C17orf113: variants seen among roughly 807,000 people sequenced by gnomAD.
C17orf113 encodes uncharacterized protein C17orf113.
In C17orf113, 5 loss-of-function variants were observed where a neutral mutation model predicts 11.6. The ratio of observed to expected loss-of-function variants is 0.43; its 90% confidence interval spans 0.23 to 0.91. The LOEUF is 0.91. C17orf113 is among the 40% of genes least tolerant of loss of function. The pLI is 0.26. For missense variants in C17orf113, 714 were observed against 841.3 expected, an observed-to-expected ratio of 0.85 and a Z score of 1.87; for synonymous variants, 327 against 390.6, an observed-to-expected ratio of 0.84 and a Z score of 1.92.
In C17orf113 at chr17:42,043,305, G is replaced by C. The variant is rs138910547; in HGVS notation, c.72C>G (p.Asn24Lys). Residue 24 changes from asparagine to lysine, a missense_variant, in exon 2 of 3, where the codon AAC becomes AAG. By Grantham distance (94) the Asn-to-Lys change is moderately conservative. Transcript: ENST00000587304. ...AGGTAAACTCCTCTTTCCAGTGCTC[G>C]TTGAAGTAACGCTTACACTTCTTGT... ...NSNKKCKRYF[N>K]EHWKEEFTWL... 20 of 1,232,140 alleles carry C rather than the reference G, an allele frequency of 1.6e-5. No individual in the cohort carries two copies. The highest frequency in any genetic ancestry group is 3.2e-5 in the East Asian group (1 of 31,716). 76.3% of individuals were successfully genotyped at this position (1,232,140 alleles called of 1,614,324 possible). A position where few individuals can be genotyped will look rare whatever the true frequency, so the allele number is the denominator to read the frequency against.
Position 42,040,455 on chromosome 17 carries a change from G to A in C17orf113, c.1278C>T (p.Ala426=). ...LVLQAEEPDL[A]LLQPLVMAAA... The stretch of plus-strand genomic sequence containing the variant: ...CCGCCATCACCAGAGGCTGCAGCAA[G>A]GCCAAGTCCGGCTCTTCTGCCTGCA... The change falls in exon 3 of 3, where the codon GCC becomes GCT. Residue 426 remains alanine (A), a synonymous_variant. Coordinates refer to ENST00000587304, the MANE Select transcript of C17orf113 (RefSeq NM_001358661.2). The A allele has an allele frequency of 1.6e-6, 2 of 1,232,168 alleles. No individual in the cohort carries two copies. The highest frequency in any genetic ancestry group is 2.0e-6 in the Non-Finnish European group (2 of 987,976). 76.3% of individuals were successfully genotyped at this position (1,232,168 alleles called of 1,614,324 possible). A position where few individuals can be genotyped will look rare whatever the true frequency, so the allele number is the denominator to read the frequency against.
chr17:42,044,538 C>A (rs563082476), intron 1 of C17orf113, among the ~76,000 whole-genome samples: 1 of 151,986 alleles, frequency 6.6e-6, no homozygotes, highest in South Asian at 2.1e-4. Context: ...ATCGCTTGAA[C>A]CCGGGAGGCG....
In C17orf113 at chr17:42,040,877, G is replaced by A. The variant is rs571169356; in HGVS notation, c.856C>T (p.Arg286Trp). Residue 286 changes from arginine to tryptophan, a missense_variant, in exon 3 of 3, where the codon CGG (arginine) becomes TGG (tryptophan). Physicochemically the swap from Arg to Trp is moderately radical, Grantham distance 101. Transcript: ENST00000587304. ...TCTGCCAGCAGTGGGCAAGTGGCCCGGAGCTGTGGGCCCACACTCCCCAGG... is the reference window on the plus strand; with the variant it reads ...TCTGCCAGCAGTGGGCAAGTGGCCCAGAGCTGTGGGCCCACACTCCCCAGG... ...ERLGSVGPQL[R>W]ATCPLLAELH... is the part of the protein sequence containing the mutation. The A allele has an allele frequency of 2.3e-5, 28 of 1,232,198 alleles. No homozygotes were observed. Among genetic ancestry groups the A allele is most frequent in the South Asian group, 4.1e-5 (1 of 24,322 alleles). The allele number at this position is 1,232,198 out of a possible 1,614,324, so 76.3% of individuals were successfully genotyped here. A position where few individuals can be genotyped will look rare whatever the true frequency, so the allele number is the denominator to read the frequency against.
Position 42,039,445 on chromosome 17 carries a change from A to C in C17orf113, c.*260T>G. ...GAGCTACTCCTCATCTAACTGTGTA[A>C]AGGCCAGGAATGATTTAGGGTACCC... On this transcript the variant is annotated 3_prime_UTR_variant, in exon 3 of 3. Transcript: ENST00000587304. 1 of 362,592 alleles carries C rather than the reference A, an allele frequency of 2.8e-6. No homozygotes were observed. 22.5% of individuals were successfully genotyped at this position (362,592 alleles called of 1,614,324 possible). A position where few individuals can be genotyped will look rare whatever the true frequency, so the allele number is the denominator to read the frequency against.
chr17:42,039,647 T>C lies in C17orf113; in HGVS notation c.*58A>G. On this transcript the variant is annotated 3_prime_UTR_variant, in exon 3 of 3. Coordinates refer to ENST00000587304, the MANE Select transcript of C17orf113 (RefSeq NM_001358661.2). ...TGGGTGCAGCATGGTCAAGTCTAGG[T>C]TGGCCCTTACAGTGCCCAGGGCCCC... 2.5e-6 allele frequency: 3 copies of C among 1,216,208 alleles called. No homozygotes were observed. Among genetic ancestry groups the C allele is most frequent in the Admixed American group, 4.2e-5 (1 of 23,698 alleles). The allele number at this position is 1,216,208 out of a possible 1,614,324, so 75.3% of individuals were successfully genotyped here.
In C17orf113 at chr17:42,041,792, A is replaced by G. The variant is rs55928869; in HGVS notation, c.544-603T>C. On this transcript the variant is annotated intron_variant, in intron 2 of 2. Transcript: ENST00000587304. ...CTCCCCCACCTCCAACCCAGCCCATAGGACTTACACAGTTAGTACCTAGGA... is the reference window on the plus strand; with the variant it reads ...CTCCCCCACCTCCAACCCAGCCCATGGGACTTACACAGTTAGTACCTAGGA... 8.0e-3 allele frequency among the ~76,000 whole-genome samples: 1,218 copies of G among 152,206 alleles called. 16 individuals carry two copies. The highest frequency in any genetic ancestry group is 0.027 in the African/African-American group (1,135 of 41,528).
At chr17:42,045,961 G>A (rs1286764031) in intron 1 of C17orf113, among the ~76,000 whole-genome samples, 1 of 152,158 alleles carries the variant, frequency 6.6e-6, no homozygotes, top group African/African-American at 2.4e-5. Context: ...ATTCCCAGTA[G>A]ACACCAAGCT....
At position 42,043,499 on chromosome 17, in the gene C17orf113, C is replaced by T. The variant is rs1359035696; in HGVS notation, c.-123G>A. The stretch of plus-strand genomic sequence containing the variant: ...ATGGGGAGGCAGGCTGGGGGCAGCC[C>T]GCCAGGCTAACAGGGCCCATCCATC... On this transcript the variant is annotated 5_prime_UTR_variant, in exon 2 of 3. Transcript: ENST00000587304. The T allele has an allele frequency of 1.8e-5, 15 of 825,700 alleles. No homozygotes were observed. The highest frequency in any genetic ancestry group is 3.3e-5 in the East Asian group (1 of 29,908). The allele number at this position is 825,700 out of a possible 1,614,324, so 51.1% of individuals were successfully genotyped here. A position where few individuals can be genotyped will look rare whatever the true frequency, so the allele number is the denominator to read the frequency against.
At chr17:42,048,226 T>C (rs902966792) in intron 1 of C17orf113, among the ~76,000 whole-genome samples, 7 of 152,110 alleles carry the variant, frequency 4.6e-5, no homozygotes, top group Admixed American at 3.9e-4. Context: ...GACAGAACTG[T>C]TGATCTATCC....
At position 42,043,123 on chromosome 17, in the gene C17orf113, T is replaced by G; in HGVS notation, c.254A>C (p.His85Pro). Residue 85 changes from histidine (H) to proline (P), a missense_variant, in exon 2 of 3, where the codon CAC (histidine) becomes CCC (proline). By Grantham distance (77) the His-to-Pro change is moderately conservative. Coordinates refer to ENST00000587304, the MANE Select transcript of C17orf113 (RefSeq NM_001358661.2). Reference protein sequence around the residue: ...ALLRHVTSGAHRQALAVNQGQ... With the variant: ...ALLRHVTSGAPRQALAVNQGQ... The stretch of plus-strand genomic sequence containing the variant: ...CTGGTTGACAGCCAGAGCCTGGCGG[T>G]GGGCTCCTGAGGTCACGTGGCGCAG... 8.1e-7 allele frequency: 1 copy of G among 1,232,200 alleles called. No homozygotes were observed. Among genetic ancestry groups the G allele is most frequent in the African/African-American group, 1.5e-5 (1 of 64,540 alleles). 76.3% of individuals were successfully genotyped at this position (1,232,200 alleles called of 1,614,324 possible). A position where few individuals can be genotyped will look rare whatever the true frequency, so the allele number is the denominator to read the frequency against.
chr17:42,042,822 G>A lies in C17orf113; in HGVS notation c.543+12C>T, dbSNP rs1019465116. On this transcript the variant is annotated intron_variant, in intron 2 of 2. Coordinates refer to ENST00000587304, the MANE Select transcript of C17orf113 (RefSeq NM_001358661.2). ...CCCAAGCCCTTCCCCCATACTTCTG[G>A]CTGTCACCCACCTGCATGTCCCTCA... 8.5e-5 allele frequency: 105 copies of A among 1,232,160 alleles called. No homozygotes were observed. The highest frequency in any genetic ancestry group is 1.1e-4 in the Non-Finnish European group (104 of 988,032). 76.3% of individuals were successfully genotyped at this position (1,232,160 alleles called of 1,614,324 possible).
Position 42,039,862 on chromosome 17 carries a change from C to A in C17orf113, c.1871G>T (p.Arg624Leu). ...CCCGGCCCCACTCTGCCCCCACCACCGCAGCTCCCGGCTGCGGCCGACCTT... is the reference window on the plus strand; with the variant it reads ...CCCGGCCCCACTCTGCCCCCACCACAGCAGCTCCCGGCTGCGGCCGACCTT... ...LDKVGRSREL[R>L]WWGQSGAGEG... Residue 624 changes from arginine (R) to leucine (L), a missense_variant, in exon 3 of 3, where the codon CGG (arginine) becomes CTG (leucine). Physicochemically the swap from Arg to Leu is moderately radical, Grantham distance 102. This residue lies in a region of C17orf113 where 194 missense variants were observed against 197.2 expected (regional missense o/e 0.98). Transcript: ENST00000587304. 8.1e-7 allele frequency: 1 copy of A among 1,231,614 alleles called. No homozygotes were observed. Among genetic ancestry groups the A allele is most frequent in the Non-Finnish European group, 1.0e-6 (1 of 987,828 alleles). 76.3% of individuals were successfully genotyped at this position (1,231,614 alleles called of 1,614,324 possible). A position where few individuals can be genotyped will look rare whatever the true frequency, so the allele number is the denominator to read the frequency against.
Position 42,042,821 on chromosome 17 carries a change from G to A in C17orf113, c.543+13C>T. ...TCCCAAGCCCTTCCCCCATACTTCT[G>A]GCTGTCACCCACCTGCATGTCCCTC... On this transcript the variant is annotated intron_variant, in intron 2 of 2. Transcript: ENST00000587304. 1.6e-6 allele frequency: 2 copies of A among 1,232,196 alleles called. No individual in the cohort carries two copies. The highest frequency in any genetic ancestry group is 2.0e-6 in the Non-Finnish European group (2 of 988,044). The allele number at this position is 1,232,196 out of a possible 1,614,324, so 76.3% of individuals were successfully genotyped here.
At chr17:42,048,860 G>A (rs2053225485) in intron 1 of C17orf113, among the ~76,000 whole-genome samples, 1 of 151,762 alleles carries the variant, frequency 6.6e-6, no homozygotes, top group South Asian at 2.1e-4. Flanking sequence ...ACCAGAGGGG[G>A]GCTTTTAAAA....
In C17orf113 at chr17:42,038,850, C is replaced by G. The variant is rs1453901693; in HGVS notation, c.*855G>C. The G allele has an allele frequency of 1.3e-5, 2 of 152,234 alleles. No homozygotes were observed. The highest frequency in any genetic ancestry group is 2.9e-5 in the Non-Finnish European group (2 of 68,072). The allele number at this position is 152,234 out of a possible 1,614,324, so 9.4% of individuals were successfully genotyped here. ...TCTGGAACCATTGGCCCTTGAACCACCAGCTTGTGTACAGAGAGGACACTG... is the reference window on the plus strand; with the variant it reads ...TCTGGAACCATTGGCCCTTGAACCAGCAGCTTGTGTACAGAGAGGACACTG... On this transcript the variant is annotated 3_prime_UTR_variant, in exon 3 of 3. Transcript: ENST00000587304.
At chr17:42,046,437 A>T (rs1555656626) in intron 1 of C17orf113, among the ~76,000 whole-genome samples, 1 of 151,960 alleles carries the variant, frequency 6.6e-6, no homozygotes, top group African/African-American at 2.4e-5. Context: ...TACAAATAAA[A>T]TGTTTTTAAA....
chr17:42,048,097 C>A (rs73309779), intron 1 of C17orf113, among the ~76,000 whole-genome samples: 7 of 152,132 alleles, frequency 4.6e-5, no homozygotes, highest in Admixed American at 1.3e-4. Flanking sequence ...CTCCTCCCCC[C>A]CTTCCCAACT....
At chr17:42,049,366 C>G (rs1217609323) in intron 1 of C17orf113, among the ~76,000 whole-genome samples, 2 of 152,030 alleles carry the variant, frequency 1.3e-5, no homozygotes, top group African/African-American at 4.8e-5. Context: ...CCTCTCTCCA[C>G]CCCCCTTCTC....
intron 1 of C17orf113, among the ~76,000 whole-genome samples, chr17:42,049,876 G>A (rs1285294348): frequency 6.6e-5 from 10 of 152,238 alleles, no homozygotes; most frequent in African/African-American, 2.4e-4. Flanking sequence ...TTAGCATTCA[G>A]CTCACACTAG....
Sources: gnomAD v4.1 joint callset for allele counts (sites outside exome capture counted in the v4.1 genomes callset) on GRCh38, gnomAD v4.1.1 for gene constraint, gnomAD v4.1.1 regional missense constraint, MANE v1.5 for transcripts, NCBI Gene and HGNC (gene_info 2026-07-23, HGNC 2026-07-21) for gene names.